The following UVSSA variants were observed in gnomAD, a reference collection of about 807,000 sequenced individuals.
The protein encoded by UVSSA is UV-stimulated scaffold protein A.
In UVSSA, 72 loss-of-function variants were observed where a neutral mutation model predicts 73.9. The ratio of observed to expected loss-of-function variants is 0.97; its 90% confidence interval spans 0.81 to 1.19. The LOEUF is 1.19. UVSSA is among the 50% of genes most tolerant of loss of function. The pLI is 0.00. For synonymous variants in UVSSA, 454 were observed against 391.3 expected (o/e 1.16, Z -1.89); for missense variants, 1,150 against 965.0 (o/e 1.19, Z -2.54).
exon 14 of UVSSA, chr4:1,394,252 G>A (rs1337974958): frequency 1.1e-5 from 8 of 711,444 alleles, no homozygotes; most frequent in African/African-American, 8.9e-5. Context: ...TGGGCATCTC[G>A]TTCCTCAGAT....
At chr4:1,345,174 A>T (rs1713574470), upstream of UVSSA, among the ~76,000 whole-genome samples, 1 of 152,146 alleles carries the variant, frequency 6.6e-6, no homozygotes, top group African/African-American at 2.4e-5. Context: ...GACCTGCTGC[A>T]GGGGTGGCCA....
At chr4:1,395,681 A>T (rs1401632168) in exon 14 of UVSSA, 1 of 1,610,778 alleles carries the variant, frequency 6.2e-7, no homozygotes, top group Non-Finnish European at 8.5e-7. Flanking sequence ...ACACGTGCCC[A>T]TGTGGAGTGC....
At chr4:1,385,201 A>G (rs1304600450) in intron 13 of UVSSA, 4 of 152,612 alleles carry the variant, frequency 2.6e-5, no homozygotes, top group South Asian at 2.1e-4. Flanking sequence ...CCCTACAGAA[A>G]GGATCTGGGG....
intron 8 of UVSSA, among the ~76,000 whole-genome samples, chr4:1,370,539 C>A (rs943852787): frequency 6.6e-6 from 1 of 152,262 alleles, no homozygotes; most frequent in Non-Finnish European, 1.5e-5. Context: ...CAGCCGTGCA[C>A]GGCTTAGAGG....
intron 10 of UVSSA, among the ~76,000 whole-genome samples, chr4:1,378,350 C>T (rs1274670682): frequency 6.6e-6 from 1 of 152,184 alleles, no homozygotes; most frequent in Non-Finnish European, 1.5e-5. Context: ...GCCAGGAGTT[C>T]GAGACCAGCC....
chr4:1,364,293 GC>G (rs1717020521), intron 7 of UVSSA, among the ~76,000 whole-genome samples: 1 of 139,016 alleles, frequency 7.2e-6, no homozygotes, highest in African/African-American at 2.8e-5. Context: ...TGGTGCCCGG[GC>G]CCCGTGGCAT....
chr4:1,360,792 G>A (rs566125724), intron 7 of UVSSA, among the ~76,000 whole-genome samples: 2 of 152,204 alleles, frequency 1.3e-5, no homozygotes, highest in East Asian at 3.9e-4. Flanking sequence ...GAGCTACTAG[G>A]TTTGGAGGCC....
intron 2 of UVSSA, among the ~76,000 whole-genome samples, chr4:1,348,700 G>A (rs1714131821): frequency 6.6e-6 from 1 of 152,206 alleles, no homozygotes; most frequent in Non-Finnish European, 1.5e-5. Flanking sequence ...CGAGGACACT[G>A]ATTATTCTGT....
intron 13 of UVSSA, 37 bp downstream of exon 13, chr4:1,383,977 C>T (rs573923437): frequency 1.9e-6 from 3 of 1,576,838 alleles, no homozygotes; most frequent in East Asian, 2.3e-5. Flanking sequence ...CACCGCGTGG[C>T]CCCCCCGTGT....
intron 6 of UVSSA, 110 bp downstream of exon 6, chr4:1,354,957 A>C (rs553259196): frequency 7.6e-5 from 116 of 1,532,362 alleles, no homozygotes; most frequent in African/African-American, 1.4e-5. Context: ...ATGGCCCTTA[A>C]CCCGCGAGGG....
In UVSSA at chr4:1,357,595, G is replaced by T. The variant is rs910238099; in HGVS notation, c.1176+2350G>T. ...AATTCAGCGCGGCCACGGTACCAGC[G>T]AGGCCTGCAGGCTCCCAGCCATGGC... On this transcript the variant is annotated intron_variant, in intron 7 of 13. Coordinates refer to ENST00000389851, the MANE Select transcript of UVSSA (RefSeq NM_020894.4). 3.8e-4 allele frequency among the ~76,000 whole-genome samples: 58 copies of T among 152,232 alleles called. 2 individuals carry two copies. Among genetic ancestry groups the T allele is most frequent in the Admixed American group, 2.3e-3 (35 of 15,284 alleles).
upstream of UVSSA, among the ~76,000 whole-genome samples, chr4:1,342,447 T>G (rs1409777645): frequency 6.6e-6 from 1 of 152,254 alleles, no homozygotes; most frequent in Admixed American, 6.5e-5. Flanking sequence ...ACAAATCCTT[T>G]GAGGGATATG....
In UVSSA at chr4:1,353,077, T is replaced by A. The variant is rs1010398560; in HGVS notation, c.598T>A (p.Phe200Ile). The A allele has an allele frequency of 1.2e-6, 2 of 1,613,030 alleles. No homozygotes were observed. Among genetic ancestry groups the A allele is most frequent in the African/African-American group, 2.7e-5 (2 of 75,078 alleles). The change falls in exon 5 of 14, where the codon TTT becomes ATT. Residue 200 changes from phenylalanine to isoleucine, a missense_variant. Transcript: ENST00000389851. ...ESCLTEVESC[F>I]RLLVPFDFDP... Reference sequence around the variant, plus strand: ...CTGCTTGACGGAGGTAGAGAGCTGCTTTAGGCTGCTGGTGCCTTTTGACTT... The same window carrying A: ...CTGCTTGACGGAGGTAGAGAGCTGCATTAGGCTGCTGGTGCCTTTTGACTT...
chr4:1,354,880 G>A (rs959712646), intron 6 of UVSSA, 33 bp downstream of exon 6: 6 of 1,541,010 alleles, frequency 3.9e-6, no homozygotes, highest in Non-Finnish European at 5.3e-6. Flanking sequence ...GTGGGTGGAG[G>A]GACGTGTGCA....
chr4:1,371,444 C>G (rs968918292), intron 8 of UVSSA, among the ~76,000 whole-genome samples: 1 of 152,130 alleles, frequency 6.6e-6, no homozygotes, highest in African/African-American at 2.4e-5. Context: ...ACTTGGTTTT[C>G]TTTCGTCAGT....
rs1424682887 is a variant in UVSSA at position 1,383,888 on chromosome 4, AAGGCTC to A, written c.1990_1995del (p.Gln664_Ala665del). On this transcript the variant is annotated inframe_deletion, in exon 13 of 14. Coordinates refer to ENST00000389851, the MANE Select transcript of UVSSA (RefSeq NM_020894.4). ...GAGGTACCCCAGCCTCACCAACCTG[AAGGCTC>A]AGGCTGATACCGCCCGCGCTCGCAT... 1 of 1,613,410 alleles carries A rather than the reference AAGGCTC, an allele frequency of 6.2e-7. No individual in the cohort carries two copies. Among genetic ancestry groups the A allele is most frequent in the South Asian group, 1.1e-5 (1 of 91,082 alleles).
intron 7 of UVSSA, among the ~76,000 whole-genome samples, chr4:1,357,642 C>T (rs1342129310): frequency 6.6e-6 from 1 of 152,252 alleles, no homozygotes; most frequent in Admixed American, 6.5e-5. Context: ...CACATCTCCA[C>T]CTCACCCTGG....
rs1351339757 is a variant in UVSSA at position 1,353,429 on chromosome 4, G to C, written c.934+16G>C. 6 of 1,467,506 alleles carry C rather than the reference G, an allele frequency of 4.1e-6. No homozygotes were observed. In the South Asian group the frequency reaches 8.4e-5, roughly 21 times the overall value. The allele number at this position is 1,467,506 out of a possible 1,614,324, so 90.9% of individuals were successfully genotyped here. A position where few individuals can be genotyped will look rare whatever the true frequency, so the allele number is the denominator to read the frequency against. On this transcript the variant is annotated intron_variant, in intron 5 of 13. Coordinates refer to ENST00000389851, the MANE Select transcript of UVSSA (RefSeq NM_020894.4). Reference sequence around the variant, plus strand: ...CTCTGCTCAGGTAACTGCCTTCGCGGGGTCTCTGTGGCGCCACCCTGCCCC... The same window carrying C: ...CTCTGCTCAGGTAACTGCCTTCGCGCGGTCTCTGTGGCGCCACCCTGCCCC...
intron 7 of UVSSA, among the ~76,000 whole-genome samples, chr4:1,362,435 A>G (rs1300433418): frequency 6.6e-6 from 1 of 152,162 alleles, no homozygotes. Context: ...CCTGCAGGTG[A>G]CCTGTGCCTC....
Sources: gnomAD v4.1 joint callset for allele counts (sites outside exome capture counted in the v4.1 genomes callset) on GRCh38, gnomAD v4.1.1 for gene constraint, MANE v1.5 for transcripts, NCBI Gene and HGNC (gene_info 2026-07-23, HGNC 2026-07-21) for gene names.